MYO7B: variants seen among roughly 807,000 people sequenced by gnomAD.
MYO7B encodes unconventional myosin-VIIb.
A neutral mutation model predicts 259.7 loss-of-function variants in MYO7B; 212 were observed. The observed-to-expected ratio is 0.82, with a 90% confidence interval of 0.73 to 0.91. MYO7B has a LOEUF of 0.91. Ranked by LOEUF, MYO7B falls within the 40% of genes least tolerant of loss-of-function variation. The probability of loss-of-function intolerance (pLI) is 0.00; values close to 1 mark genes in which losing one functional copy is unlikely to be tolerated. For missense variants in MYO7B, 2,732 were observed against 2,813.5 expected (o/e 0.97, Z 0.66); for synonymous variants, 1,197 against 1,166.4 (o/e 1.03, Z -0.54).
chr2:127,540,824 A>T (rs565088084), intron 1 of MYO7B, among the ~76,000 whole-genome samples: 1 of 152,222 alleles, frequency 6.6e-6, no homozygotes, highest in Non-Finnish European at 1.5e-5. Flanking sequence ...GCACTGATAC[A>T]GTGAACAGGG....
chr2:127,624,547 C>T (rs547020238), intron 30 of MYO7B, among the ~76,000 whole-genome samples: 2 of 152,258 alleles, frequency 1.3e-5, no homozygotes, highest in Non-Finnish European at 2.9e-5. Context: ...TCCCAGAGGG[C>T]CCAGGCCTTG....
rs1329209866 is a variant in MYO7B at position 127,578,254 on chromosome 2, C to T, written c.971C>T (p.Ala324Val). The T allele has an allele frequency of 2.5e-6, 4 of 1,613,548 alleles. No homozygotes were observed. The African/African-American group carries it at 5.3e-5, about 22-fold the overall frequency. ...ESWDVIKLLA[A>V]ILHLGNVGFM... The stretch of plus-strand genomic sequence containing the variant: ...TGGGACGTCATCAAGCTGCTGGCTG[C>T]CATTCTCCACCTGGGGAATGTGGGG... Residue 324 changes from alanine (A) to valine (V), a missense_variant, in exon 9 of 48, where the codon GCC becomes GTC. Ala to Val is a moderately conservative substitution (Grantham distance 64, BLOSUM62 0). This residue lies in a region of MYO7B where 1,906 missense variants were observed against 2,026.4 expected (regional missense o/e 0.94). Transcript: ENST00000409816.
intron 1 of MYO7B, among the ~76,000 whole-genome samples, chr2:127,551,964 G>C (rs1297658142): frequency 1.3e-5 from 2 of 152,172 alleles, no homozygotes; most frequent in African/African-American, 4.8e-5. Flanking sequence ...TGTCTGTAAG[G>C]GGGTGGAATA....
In MYO7B at chr2:127,628,369, C is replaced by T. The variant is rs1271487593; in HGVS notation, c.4461-3C>T. ...TCCTGGTCACGCTGTCCTTCATCTC[C>T]AGGGAGGCCCAGGGCGGGCAGAGGC... On this transcript the variant is annotated splice_polypyrimidine_tract_variant and splice_region_variant and intron_variant, in intron 33 of 47. Coordinates refer to ENST00000409816, the MANE Select transcript of MYO7B (RefSeq NM_001393586.1). The surrounding 1 kb of genome is among the most constrained non-coding windows in gnomAD (Gnocchi z 4.8). 1.1e-5 allele frequency: 17 copies of T among 1,597,762 alleles called. No homozygotes were observed. Among genetic ancestry groups the T allele is most frequent in the Non-Finnish European group, 1.4e-5 (16 of 1,174,654 alleles).
rs1681263288 is a variant in MYO7B, at chr2:127,628,322, A to G, written c.4461-50A>G. The G allele has an allele frequency of 3.8e-6, 6 of 1,559,530 alleles. No homozygotes were observed. Among genetic ancestry groups the G allele is most frequent in the East Asian group, 4.7e-5 (2 of 42,892 alleles). On this transcript the variant is annotated intron_variant, in intron 33 of 47. Coordinates refer to ENST00000409816, the MANE Select transcript of MYO7B (RefSeq NM_001393586.1). The surrounding 1 kb of genome is among the most constrained non-coding windows in gnomAD (Gnocchi z 4.8). ...CCTCCCGAGGCTGTTTAGGGGCTGG[A>G]TCAGGGGAAGGTGGAGGGGGCTCCT... is the stretch of plus-strand genomic sequence containing the variant.
At chr2:127,591,823 A>T (rs956074404) in intron 16 of MYO7B, among the ~76,000 whole-genome samples, 2 of 152,170 alleles carry the variant, frequency 1.3e-5, no homozygotes, top group East Asian at 3.9e-4. Context: ...CCAGGGAAGG[A>T]CATCATGCCA....
Position 127,636,514 on chromosome 2 carries a change from G to T in MYO7B, c.6124-31G>T, listed in dbSNP as rs777707510. 2 of 1,592,814 alleles carry T rather than the reference G, an allele frequency of 1.3e-6. No individual in the cohort carries two copies. Among genetic ancestry groups the T allele is most frequent in the Non-Finnish European group, 1.7e-6 (2 of 1,168,988 alleles). ...GAGGTGCAGCCTGGCCTCCCGGGCT[G>T]GACTATGACCGCCGTGTCCCTCCCT... On this transcript the variant is annotated intron_variant, in intron 45 of 47. Coordinates refer to ENST00000409816, the MANE Select transcript of MYO7B (RefSeq NM_001393586.1). The surrounding 1 kb of genome is among the most constrained non-coding windows in gnomAD (Gnocchi z 4.5).
At chr2:127,604,772 G>T (rs140806230) in intron 19 of MYO7B, among the ~76,000 whole-genome samples, 18 of 152,232 alleles carry the variant, frequency 1.2e-4, no homozygotes, top group African/African-American at 3.6e-4. Flanking sequence ...AGAGAGATGG[G>T]GCACTACTGG....
chr2:127,601,682 T>C (rs960892851), intron 19 of MYO7B, among the ~76,000 whole-genome samples: 51 of 152,330 alleles, frequency 3.3e-4, no homozygotes, highest in Admixed American at 2.2e-3. Context: ...GGCCTACCTA[T>C]ATAACTATAT....
In MYO7B at chr2:127,582,436, G is replaced by A. The variant is rs755982640; in HGVS notation, c.1333G>A (p.Glu445Lys). ...LLDIFGFENF[E>K]NNSFEQLCIN... The stretch of plus-strand genomic sequence containing the variant: ...GGACATATTTGGCTTTGAAAATTTC[G>A]AGAACAATAGGTATGAAGATCTCAG... Residue 445 changes from glutamate to lysine, a missense_variant, in exon 12 of 48, where the codon GAG (glutamate) becomes AAG (lysine). Physicochemically the swap from Glu to Lys is moderately conservative, Grantham distance 56. Around this residue, in one of 3 missense-constraint regions of MYO7B, gnomAD observed 1,906 missense variants for 2,026.4 expected, o/e 0.94. Coordinates refer to ENST00000409816, the MANE Select transcript of MYO7B (RefSeq NM_001393586.1). The A allele has an allele frequency of 2.3e-5, 37 of 1,612,856 alleles. No homozygotes were observed. In the East Asian group the frequency reaches 5.1e-4, roughly 22 times the overall value.
In MYO7B at chr2:127,578,198, G is replaced by A; in HGVS notation, c.915G>A (p.Met305Ile). ...ACTACGCCCACATCCGCTCGGCCAT[G>A]AAGATCCTCCAGTTCTCCGACTCCG... ...AKDYAHIRSA[M>I]KILQFSDSES... is the part of the protein sequence containing the mutation. Residue 305 changes from methionine (M) to isoleucine (I), a missense_variant, in exon 9 of 48, where the codon ATG (methionine) becomes ATA (isoleucine). By Grantham distance (10) the Met-to-Ile change is conservative. Around this residue, in one of 3 missense-constraint regions of MYO7B, gnomAD observed 1,906 missense variants for 2,026.4 expected, o/e 0.94. Transcript: ENST00000409816. 5 of 1,613,866 alleles carry A rather than the reference G, an allele frequency of 3.1e-6. No individual in the cohort carries two copies. The South Asian group carries it at 5.5e-5, about 18-fold the overall frequency.
intron 8 of MYO7B, 127 bp from the exon 9 acceptor site, chr2:127,578,006 T>G: frequency 9.1e-7 from 1 of 1,104,516 alleles, no homozygotes; most frequent in Non-Finnish European, 1.3e-6. Flanking sequence ...TGAAAAGAGT[T>G]TTTGAGCGTG....
intron 9 of MYO7B, among the ~76,000 whole-genome samples, chr2:127,580,129 A>T (rs904931049): frequency 6.6e-6 from 1 of 152,178 alleles, no homozygotes; most frequent in East Asian, 1.9e-4. Flanking sequence ...GCACTTCTTT[A>T]TCTGTATATT....
chr2:127,592,819 G>A lies in MYO7B; in HGVS notation c.2018G>A (p.Arg673Gln), dbSNP rs752032904. 1 of 1,609,986 alleles carries A rather than the reference G, an allele frequency of 6.2e-7. No homozygotes were observed. Among genetic ancestry groups the A allele is most frequent in the Non-Finnish European group, 8.5e-7 (1 of 1,178,906 alleles). ...CTGTTCGACCGGGAGCTGTGCCTGC[G>A]GCAGCTGCGATACTCGGGCATGATG... ...PLLFDRELCL[R>Q]QLRYSGMMET... Residue 673 changes from arginine to glutamine, a missense_variant, in exon 17 of 48, where the codon CGG (arginine) becomes CAG (glutamine). Transcript: ENST00000409816.
chr2:127,559,705 T>A lies in MYO7B; in HGVS notation c.-18T>A. The A allele has an allele frequency of 6.2e-7, 1 of 1,614,004 alleles. No homozygotes were observed. The highest frequency in any genetic ancestry group is 8.5e-7 in the Non-Finnish European group (1 of 1,179,870). Reference sequence around the variant, plus strand: ...TGCTTTCTCTCTCCATACAGGCTTGTGGAACTGCTGACTCAGGATGTCGGG... The same window carrying A: ...TGCTTTCTCTCTCCATACAGGCTTGAGGAACTGCTGACTCAGGATGTCGGG... On this transcript the variant is annotated 5_prime_UTR_variant, in exon 2 of 48. Coordinates refer to ENST00000409816, the MANE Select transcript of MYO7B (RefSeq NM_001393586.1). The surrounding 1 kb of genome is among the most constrained non-coding windows in gnomAD (Gnocchi z 4.1).
At position 127,600,725 on chromosome 2, in the gene MYO7B, A is replaced by G. The variant is rs534191434; in HGVS notation, c.2339+4169A>G. Among the ~76,000 whole-genome samples, 5 of 152,334 alleles carry G rather than the reference A, an allele frequency of 3.3e-5. No individual in the cohort carries two copies. In the South Asian group the frequency reaches 1.0e-3, roughly 32 times the overall value. ...GACTCTGTCTCAAAAAAACAAAACAAAACAAAACAAAAAACATTCTTGTCC... is the reference window on the plus strand; with the variant it reads ...GACTCTGTCTCAAAAAAACAAAACAGAACAAAACAAAAAACATTCTTGTCC... On this transcript the variant is annotated intron_variant, in intron 19 of 47. Transcript: ENST00000409816.
rs778426789 is a variant in MYO7B, at chr2:127,592,935, A to G, written c.2134A>G (p.Met712Val). Residue 712 changes from methionine (M) to valine (V), a missense_variant, in exon 17 of 48, where the codon ATG becomes GTG. By Grantham distance (21) the Met-to-Val change is conservative (BLOSUM62 1). Transcript: ENST00000409816. The stretch of plus-strand genomic sequence containing the variant: ...GTTCGGCGTGTTGCTGCCCAACGCC[A>G]TGCGGATGCAGGTCAGCGCCCCTCG... ...QRFGVLLPNA[M>V]RMQLQGKLRQ... is the part of the protein sequence containing the mutation. The G allele has an allele frequency of 1.9e-6, 3 of 1,593,976 alleles. No homozygotes were observed. The highest frequency in any genetic ancestry group is 2.3e-5 in the South Asian group (2 of 87,650).
At position 127,627,118 on chromosome 2, in the gene MYO7B, G is replaced by T; in HGVS notation, c.4333+26G>T. 6.2e-7 allele frequency: 1 copy of T among 1,606,156 alleles called. No individual in the cohort carries two copies. Among genetic ancestry groups the T allele is most frequent in the South Asian group, 1.1e-5 (1 of 89,806 alleles). ...GTAATGGCATCTGACAGGGGGCAGG[G>T]AGCAGGTATGGGCTGGGCACCCAGG... On this transcript the variant is annotated intron_variant, in intron 32 of 47. Coordinates refer to ENST00000409816, the MANE Select transcript of MYO7B (RefSeq NM_001393586.1). The surrounding 1 kb of genome is among the most constrained non-coding windows in gnomAD (Gnocchi z 5.6).
chr2:127,542,654 A>G (rs1693050590), intron 1 of MYO7B, among the ~76,000 whole-genome samples: 1 of 152,212 alleles, frequency 6.6e-6, no homozygotes, highest in African/African-American at 2.4e-5. Context: ...AAAGAGACAC[A>G]GAGACAAAGT....
Sources: gnomAD v4.1 joint callset for allele counts (sites outside exome capture counted in the v4.1 genomes callset) on GRCh38, gnomAD v4.1.1 for gene constraint, gnomAD v4.1.1 regional missense constraint, Gnocchi (gnomAD v3.1) non-coding constraint, MANE v1.5 for transcripts, NCBI Gene and HGNC (gene_info 2026-07-23, HGNC 2026-07-21) for gene names.